DNAJC15: variants seen among roughly 807,000 people sequenced by gnomAD.
DNAJC15 encodes DnaJ heat shock protein family (Hsp40) member C15.
In DNAJC15, 27 loss-of-function variants were observed where a neutral mutation model predicts 22.4. The observed-to-expected ratio is 1.20, with a 90% confidence interval of 0.89 to 1.66. The LOEUF (loss-of-function observed/expected upper bound fraction) is 1.66. Ranked by LOEUF, DNAJC15 falls within the 40% of genes most tolerant of loss-of-function variation. The pLI is 0.00. For synonymous variants in DNAJC15, 79 were observed against 63.2 expected, an observed-to-expected ratio of 1.25 and a Z score of -1.19; for missense variants, 208 against 187.1, an observed-to-expected ratio of 1.11 and a Z score of -0.65.
intron 1 of DNAJC15, among the ~76,000 whole-genome samples, chr13:43,045,053 A>G (rs1428009519): frequency 1.3e-5 from 2 of 152,084 alleles, no homozygotes; most frequent in African/African-American, 4.8e-5. Flanking sequence ...TTGACCATAT[A>G]AGGCCCAGCA....
chr13:43,087,175 T>G (rs2040692559), intron 5 of DNAJC15, among the ~76,000 whole-genome samples: 1 of 152,266 alleles, frequency 6.6e-6, no homozygotes, highest in Non-Finnish European at 1.5e-5. Context: ...AAAGATGCTT[T>G]TAATGTTTTT....
chr13:43,079,531 T>C (rs998597366), intron 4 of DNAJC15, among the ~76,000 whole-genome samples: 1 of 152,112 alleles, frequency 6.6e-6, no homozygotes, highest in East Asian at 1.9e-4. Flanking sequence ...TTAGATGAGA[T>C]CTCTCCTTAC....
At position 43,069,584 on chromosome 13, in the gene DNAJC15, C is replaced by T. The variant is rs542640958; in HGVS notation, c.234+581C>T. On this transcript the variant is annotated intron_variant, in intron 3 of 5. Coordinates refer to ENST00000379221, the MANE Select transcript of DNAJC15 (RefSeq NM_013238.3). ...GAAAAAATGAATGAGAGTATGTATC[C>T]GTAAAAGCAACAGTATGGATTGTAG... 6.6e-5 allele frequency among the ~76,000 whole-genome samples: 10 copies of T among 152,192 alleles called. No individual in the cohort carries two copies. In the South Asian group the frequency reaches 1.5e-3, roughly 22 times the overall value.
chr13:43,066,588 G>A (rs376222784), intron 2 of DNAJC15, among the ~76,000 whole-genome samples: 14 of 152,146 alleles, frequency 9.2e-5, no homozygotes, highest in African/African-American at 3.4e-4. Context: ...ATTAGGACAT[G>A]GACATCTTTG....
intron 5 of DNAJC15, among the ~76,000 whole-genome samples, chr13:43,099,410 A>C (rs1333154086): frequency 1.3e-5 from 2 of 152,110 alleles, no homozygotes; most frequent in Non-Finnish European, 2.9e-5. Flanking sequence ...TTGAACCTCC[A>C]TTACAATGTT....
intron 4 of DNAJC15, among the ~76,000 whole-genome samples, chr13:43,085,236 C>T (rs1192703649): frequency 6.6e-6 from 1 of 151,972 alleles, no homozygotes; most frequent in Non-Finnish European, 1.5e-5. Flanking sequence ...TGGCGCGCGT[C>T]TGTAATCCCA....
In DNAJC15 at chr13:43,112,621, C is replaced by T. The variant is rs1043138336; in HGVS notation, c.*5373C>T. ...ATTAGCTAACGTTTAGTACCTGTGCCAAACATTCTACCTATGTTACCTTGA... is the reference window on the plus strand; with the variant it reads ...ATTAGCTAACGTTTAGTACCTGTGCTAAACATTCTACCTATGTTACCTTGA... On this transcript the variant is annotated 3_prime_UTR_variant, in exon 6 of 6. Transcript: ENST00000379221. 1 of 152,118 alleles carries T rather than the reference C, an allele frequency of 6.6e-6. No homozygotes were observed. The highest frequency in any genetic ancestry group is 1.5e-5 in the Non-Finnish European group (1 of 68,006). The allele number at this position is 152,118 out of a possible 1,614,324, so 9.4% of individuals were successfully genotyped here.
At chr13:43,042,522 G>T (rs9533356) in intron 1 of DNAJC15, among the ~76,000 whole-genome samples, 31 of 152,076 alleles carry the variant, frequency 2.0e-4, no homozygotes, top group African/African-American at 7.2e-4. Flanking sequence ...CAACTAGGAT[G>T]GGGGGATATG....
chr13:43,059,343 C>T (rs2040546217), intron 1 of DNAJC15, among the ~76,000 whole-genome samples: 1 of 151,932 alleles, frequency 6.6e-6, no homozygotes, highest in South Asian at 2.1e-4. Context: ...ATGAGATATC[C>T]TTCAGTGAGC....
chr13:43,051,244 C>T (rs2040501540), intron 1 of DNAJC15, among the ~76,000 whole-genome samples: 1 of 152,196 alleles, frequency 6.6e-6, no homozygotes, highest in African/African-American at 2.4e-5. Flanking sequence ...TCCCAAGGTG[C>T]TGGGATTACA....
chr13:43,061,927 A>G (rs1300611095), intron 1 of DNAJC15, among the ~76,000 whole-genome samples: 1 of 152,226 alleles, frequency 6.6e-6, no homozygotes, highest in Non-Finnish European at 1.5e-5. Context: ...TCAAGTTTCT[A>G]TGTAGGACTC....
chr13:43,111,748 A>G lies in DNAJC15; in HGVS notation c.*4500A>G, dbSNP rs553071556. 6.6e-6 allele frequency: 1 copy of G among 152,308 alleles called. No individual in the cohort carries two copies. The highest frequency in any genetic ancestry group is 1.9e-4 in the East Asian group (1 of 5,176). 9.4% of individuals were successfully genotyped at this position (152,308 alleles called of 1,614,324 possible). ...ACCTCGCCCAACAGTCATCAACTAG[A>G]TGGAGGCTCCTGGCTGCAAGGAGGA... On this transcript the variant is annotated 3_prime_UTR_variant, in exon 6 of 6. Coordinates refer to ENST00000379221, the MANE Select transcript of DNAJC15 (RefSeq NM_013238.3).
rs184727355 is a variant in DNAJC15 at position 43,032,245 on chromosome 13, T to G, written c.108+8511T>G. Among the ~76,000 whole-genome samples, 79 of 152,342 alleles carry G rather than the reference T, an allele frequency of 5.2e-4. 1 individual carries two copies. The highest frequency in any genetic ancestry group is 4.7e-3 in the Admixed American group (72 of 15,298). ...ACTGGGACCAGCTGACACAAGAGCCTGTAGGACTTAGCTCTTCTAACAGAA... is the reference window on the plus strand; with the variant it reads ...ACTGGGACCAGCTGACACAAGAGCCGGTAGGACTTAGCTCTTCTAACAGAA... On this transcript the variant is annotated intron_variant, in intron 1 of 5. Coordinates refer to ENST00000379221, the MANE Select transcript of DNAJC15 (RefSeq NM_013238.3).
At chr13:43,062,848 A>C (rs573646377) in intron 1 of DNAJC15, among the ~76,000 whole-genome samples, 1 of 151,980 alleles carries the variant, frequency 6.6e-6, no homozygotes, top group East Asian at 1.9e-4. Flanking sequence ...CCCCCTGAGT[A>C]GCTGGGATTA....
intron 5 of DNAJC15, among the ~76,000 whole-genome samples, chr13:43,088,978 A>G (rs1043178208): frequency 2.6e-5 from 4 of 152,000 alleles, no homozygotes; most frequent in South Asian, 4.1e-4. Context: ...TGTTTTATGC[A>G]TTGATTTTCC....
In DNAJC15 at chr13:43,105,448, A is replaced by C. The variant is rs1566219185; in HGVS notation, c.383-1730A>C. Among the ~76,000 whole-genome samples, 3 of 152,342 alleles carry C rather than the reference A, an allele frequency of 2.0e-5. No individual in the cohort carries two copies. The East Asian group carries it at 5.8e-4, about 29-fold the overall frequency. ...TTTCCAACTATTTAGAGGTAGAATGAGGGTCAAAAGAACCAGTCCAAAATG... is the reference window on the plus strand; with the variant it reads ...TTTCCAACTATTTAGAGGTAGAATGCGGGTCAAAAGAACCAGTCCAAAATG... On this transcript the variant is annotated intron_variant, in intron 5 of 5. Coordinates refer to ENST00000379221, the MANE Select transcript of DNAJC15 (RefSeq NM_013238.3).
At chr13:43,031,257 G>T (rs1373711795) in intron 1 of DNAJC15, among the ~76,000 whole-genome samples, 1 of 152,204 alleles carries the variant, frequency 6.6e-6, no homozygotes, top group African/African-American at 2.4e-5. Context: ...TAAAATGTGG[G>T]TTATATCAAG....
chr13:43,048,322 AT>A (rs1566203656), intron 1 of DNAJC15, among the ~76,000 whole-genome samples: 4 of 133,348 alleles, frequency 3.0e-5, no homozygotes, highest in Non-Finnish European at 3.2e-5. Flanking sequence ...TCTACTAAAA[AT>A]ACAAAAAAAA....
At chr13:43,052,897 A>T (rs1048382223) in intron 1 of DNAJC15, among the ~76,000 whole-genome samples, 3 of 152,080 alleles carry the variant, frequency 2.0e-5, no homozygotes, top group African/African-American at 7.2e-5. Context: ...TAGTTTAATT[A>T]GTTCCCATCT....
Sources: gnomAD v4.1 joint callset for allele counts (sites outside exome capture counted in the v4.1 genomes callset) on GRCh38, gnomAD v4.1.1 for gene constraint, MANE v1.5 for transcripts, NCBI Gene and HGNC (gene_info 2026-07-23, HGNC 2026-07-21) for gene names.